EYA1: variants seen among roughly 807,000 people sequenced by gnomAD.
EYA1 encodes the protein protein phosphatase EYA1.
Under a neutral mutation model 82.0 loss-of-function variants are expected in EYA1, and 16 were observed. That is an observed-to-expected ratio of 0.20 (90% CI 0.13 to 0.30). The LOEUF (loss-of-function observed/expected upper bound fraction) is 0.30. Ranked by LOEUF, EYA1 falls within the 10% of genes least tolerant of loss-of-function variation. The probability of loss-of-function intolerance (pLI) is 1.00; values close to 1 mark genes in which losing one functional copy is unlikely to be tolerated. For missense variants in EYA1, 633 were observed against 730.7 expected (o/e 0.87, Z 1.54); for synonymous variants, 261 against 264.4 (o/e 0.99, Z 0.12).
intron 12 of EYA1, among the ~76,000 whole-genome samples, chr8:71,241,041 C>T (rs1400866016): frequency 2.0e-5 from 3 of 152,110 alleles, no homozygotes; most frequent in Non-Finnish European, 4.4e-5. Flanking sequence ...ATATGCAGGA[C>T]GTTAGTCAGA....
chr8:71,475,126 C>T lies in EYA1; in HGVS notation c.33+60618G>A, dbSNP rs187408958. The stretch of plus-strand genomic sequence containing the variant: ...AGCCTGGGCAATAAGAGCGAAACTC[C>T]ATCTCAAAAAATAAATAAATAGAAA... On this transcript the variant is annotated intron_variant, in intron 2 of 18. Transcript: ENST00000643681. 1.4e-4 allele frequency among the ~76,000 whole-genome samples: 22 copies of T among 152,122 alleles called. No homozygotes were observed. The East Asian group carries it at 1.5e-3, about 11-fold the overall frequency.
chr8:71,351,439 A>C (rs1017665834), intron 3 of EYA1, among the ~76,000 whole-genome samples: 5 of 152,190 alleles, frequency 3.3e-5, no homozygotes, highest in Non-Finnish European at 5.9e-5. Flanking sequence ...TTTATATTGC[A>C]AAGATGTATA....
intron 11 of EYA1, among the ~76,000 whole-genome samples, chr8:71,264,217 C>G (rs1815495398): frequency 6.6e-6 from 1 of 152,204 alleles, no homozygotes; most frequent in African/African-American, 2.4e-5. Flanking sequence ...TCTTCATCAA[C>G]CACCATGGAA....
intron 12 of EYA1, among the ~76,000 whole-genome samples, chr8:71,236,458 C>A (rs1811848055): frequency 6.6e-6 from 1 of 152,136 alleles, no homozygotes; most frequent in African/African-American, 2.4e-5. Flanking sequence ...TCCCTATATA[C>A]AATAAATTGT....
At chr8:71,404,451 T>C (rs1303194719) in intron 2 of EYA1, 2 of 152,240 alleles carry the variant, frequency 1.3e-5, no homozygotes, top group African/African-American at 4.8e-5. Flanking sequence ...TTTAGCCATA[T>C]AGATATTCAC....
chr8:71,312,774 AATAAG>A (rs1586310074), intron 7 of EYA1, among the ~76,000 whole-genome samples: 1 of 152,334 alleles, frequency 6.6e-6, no homozygotes, highest in East Asian at 1.9e-4. Flanking sequence ...GTAAAGATTA[AATAAG>A]ATGTCACAAG....
intron 7 of EYA1, among the ~76,000 whole-genome samples, chr8:71,310,916 G>A (rs34524022): frequency 0.33 from 50,497 of 151,588 alleles, 8,710 homozygotes; most frequent in East Asian, 0.57. Flanking sequence ...ACCTTTAATA[G>A]TCTAGAATCA....
intron 2 of EYA1, among the ~76,000 whole-genome samples, chr8:71,510,132 A>T (rs1260111863): frequency 6.6e-6 from 1 of 152,128 alleles, no homozygotes; most frequent in South Asian, 2.1e-4. Context: ...TTTAGCAAAC[A>T]TGATACTAGC....
intron 2 of EYA1, among the ~76,000 whole-genome samples, chr8:71,492,466 TTA>T (rs1811073829): frequency 8.7e-6 from 1 of 115,260 alleles, no homozygotes; most frequent in African/African-American, 3.4e-5. Context: ...TTATTTATTA[TTA>T]TTTTTTTTTT....
intron 2 of EYA1, among the ~76,000 whole-genome samples, chr8:71,506,160 A>G (rs563275701): frequency 3.3e-5 from 5 of 152,312 alleles, no homozygotes; most frequent in Non-Finnish European, 5.9e-5. Context: ...GACTAATACA[A>G]TGATTTTCTA....
chr8:71,546,071 T>G (rs1343988228), intron 1 of EYA1, among the ~76,000 whole-genome samples: 1 of 152,156 alleles, frequency 6.6e-6, no homozygotes, highest in Non-Finnish European at 1.5e-5. Context: ...CCTGCTCACC[T>G]GCAGCTACCC....
At chr8:71,221,874 T>C (rs73684720) in intron 12 of EYA1, among the ~76,000 whole-genome samples, 13 of 152,210 alleles carry the variant, frequency 8.5e-5, no homozygotes, top group South Asian at 4.1e-4. Flanking sequence ...AAGCCTCAGA[T>C]AGACATGCGT....
chr8:71,522,619 CTTTT>C (rs35579621), intron 2 of EYA1, among the ~76,000 whole-genome samples: 4 of 135,556 alleles, frequency 3.0e-5, no homozygotes, highest in Non-Finnish European at 3.2e-5. Flanking sequence ...TCAATACAAA[CTTTT>C]TTTTTTTTTT....
At chr8:71,348,726 C>G (rs1237007116) in intron 3 of EYA1, among the ~76,000 whole-genome samples, 1 of 152,168 alleles carries the variant, frequency 6.6e-6, no homozygotes, top group African/African-American at 2.4e-5. Context: ...CAGCCATTCT[C>G]TCTCCTCCAG....
At chr8:71,299,437 T>C (rs1190086627) in intron 8 of EYA1, among the ~76,000 whole-genome samples, 3 of 152,208 alleles carry the variant, frequency 2.0e-5, no homozygotes, top group Admixed American at 6.5e-5. Context: ...TTTTTGCTTT[T>C]CTATGATGCA....
At chr8:71,445,786 C>T (rs953531442) in intron 2 of EYA1, among the ~76,000 whole-genome samples, 1 of 152,158 alleles carries the variant, frequency 6.6e-6, no homozygotes, top group Non-Finnish European at 1.5e-5. Flanking sequence ...CTACAGGCAC[C>T]CACCACCACG....
intron 2 of EYA1, among the ~76,000 whole-genome samples, chr8:71,443,640 T>C (rs527785188): frequency 6.6e-6 from 1 of 152,166 alleles, no homozygotes; most frequent in Non-Finnish European, 1.5e-5. Flanking sequence ...ACAACACTGA[T>C]TCAAAGAAAA....
At chr8:71,394,724 T>G (rs199656245) in intron 2 of EYA1, among the ~76,000 whole-genome samples, 2 of 152,068 alleles carry the variant, frequency 1.3e-5, no homozygotes, top group African/African-American at 2.4e-5. Context: ...GTCAGGTAGC[T>G]TGATGCCTCC....
At chr8:71,417,358 C>G (rs1830909852) in intron 2 of EYA1, among the ~76,000 whole-genome samples, 1 of 152,132 alleles carries the variant, frequency 6.6e-6, no homozygotes, top group South Asian at 2.1e-4. Context: ...GGACATTTAT[C>G]AATGGTTGTA....
Sources: allele counts gnomAD v4.1 joint callset (sites outside exome capture counted in the v4.1 genomes callset), GRCh38; gene constraint gnomAD v4.1.1; transcripts MANE v1.5; gene names NCBI Gene and HGNC (gene_info 2026-07-23, HGNC 2026-07-21).